SPP2: variants seen among roughly 807,000 people sequenced by gnomAD.
SPP2 encodes secreted phosphoprotein 2.
SPP2 carries 34 observed loss-of-function variants against 28.8 expected under a neutral mutation model. The observed-to-expected ratio is 1.18, with a 90% CI of 0.90 to 1.57. SPP2 has a LOEUF of 1.57. Ranked by LOEUF, SPP2 falls within the 40% of genes most tolerant of loss-of-function variation. SPP2 has a pLI of 0.00. For synonymous variants in SPP2, 96 were observed against 89.4 expected, an observed-to-expected ratio of 1.07 and a Z score of -0.42; for missense variants, 269 against 263.9, an observed-to-expected ratio of 1.02 and a Z score of -0.13.
intron 4 of SPP2, among the ~76,000 whole-genome samples, chr2:234,062,234 T>G (rs1253643376): frequency 1.3e-5 from 2 of 152,110 alleles, no homozygotes; most frequent in Non-Finnish European, 1.5e-5. Context: ...GGAATGCATG[T>G]CACCTGGGGA....
chr2:234,055,262 G>A (rs1467407036), intron 2 of SPP2, among the ~76,000 whole-genome samples: 1 of 152,246 alleles, frequency 6.6e-6, no homozygotes, highest in Non-Finnish European at 1.5e-5. Flanking sequence ...GCAGGCTGGA[G>A]ATTCAGGGAT....
At chr2:234,058,677 C>T (rs17865707) in intron 2 of SPP2, among the ~76,000 whole-genome samples, 159 bp from the exon 3 acceptor site, 16,907 of 152,114 alleles carry the variant, frequency 0.11, 1,977 homozygotes, top group African/African-American at 0.29. Context: ...CTCTGGTCTG[C>T]AGAAGAAAGG....
At chr2:234,066,478 T>C (rs1693823332) in intron 4 of SPP2, 55 bp from the exon 5 acceptor site, 1 of 1,456,044 alleles carries the variant, frequency 6.9e-7, no homozygotes, top group South Asian at 1.2e-5. Flanking sequence ...TTTCAGTGTC[T>C]TTCCTTTTTC....
chr2:234,058,020 G>A, intron 2 of SPP2, among the ~76,000 whole-genome samples: 1 of 152,184 alleles, frequency 6.6e-6, no homozygotes. Context: ...TGGTTCCTGT[G>A]AGCCTTGGGT....
chr2:234,058,953 T>TGGAGGC lies in SPP2; in HGVS notation c.328_329insGGAGGC (p.Tyr110delinsTrpArgHis). On this transcript the variant is annotated protein_altering_variant, in exon 3 of 8. Transcript: ENST00000168148. Reference sequence around the variant, plus strand: ...TACATGTGCCTTCCAGAGGGACTACTATGTGGTAAGTGGGAGGAGACCCAT... The same window carrying TGGAGGC: ...TACATGTGCCTTCCAGAGGGACTACTGGAGGCATGTGGTAAGTGGGAGGAGACCCAT... The TGGAGGC allele has an allele frequency of 6.2e-7, 1 of 1,613,232 alleles. No individual in the cohort carries two copies. The highest frequency in any genetic ancestry group is 8.5e-7 in the Non-Finnish European group (1 of 1,179,642).
At chr2:234,074,044 C>T (rs1315568217) in intron 7 of SPP2, among the ~76,000 whole-genome samples, 5 of 152,130 alleles carry the variant, frequency 3.3e-5, no homozygotes, top group African/African-American at 1.2e-4. Flanking sequence ...AAGTTTTATT[C>T]TCTCTGTTTC....
chr2:234,053,328 A>G lies in SPP2; in HGVS notation c.210+2233A>G, dbSNP rs374899779. ...TCAATTGCATAGTTTCACTTCTAAG[A>G]ATATGTTCAAAGCAAATAAGTGGTT... On this transcript the variant is annotated intron_variant, in intron 2 of 7. Coordinates refer to ENST00000168148, the MANE Select transcript of SPP2 (RefSeq NM_006944.3). 6.6e-5 allele frequency among the ~76,000 whole-genome samples: 10 copies of G among 152,236 alleles called. No individual in the cohort carries two copies. In the East Asian group the frequency reaches 1.7e-3, roughly 26 times the overall value.
Position 234,050,994 on chromosome 2 carries a change from C to A in SPP2, c.109C>A (p.Pro37Thr). 6.2e-7 allele frequency: 1 copy of A among 1,614,030 alleles called. No homozygotes were observed. Among genetic ancestry groups the A allele is most frequent in the Non-Finnish European group, 8.5e-7 (1 of 1,179,944 alleles). The change falls in exon 2 of 8, where the codon CCA becomes ACA. Residue 37 changes from proline to threonine, a missense_variant. Coordinates refer to ENST00000168148, the MANE Select transcript of SPP2 (RefSeq NM_006944.3). ...AGGTTTCCCAGTGTACGACTACGAT[C>A]CATCCTCCTTAAGGGATGCCCTCAG... is the stretch of plus-strand genomic sequence containing the variant. ...CSGFPVYDYD[P>T]SSLRDALSAS...
rs1553538125 is a variant in SPP2 at position 234,051,017 on chromosome 2, C to G, written c.132C>G (p.Leu44=). The stretch of plus-strand genomic sequence containing the variant: ...ATCCATCCTCCTTAAGGGATGCCCT[C>G]AGTGCCTCTGTGGTAAAAGTGAATT... ...DYDPSSLRDA[L]SASVVKVNSQ... The change falls in exon 2 of 8, where the codon CTC becomes CTG. Residue 44 remains leucine (L), a synonymous_variant. Transcript: ENST00000168148. 2 of 1,614,058 alleles carry G rather than the reference C, an allele frequency of 1.2e-6. No individual in the cohort carries two copies. The highest frequency in any genetic ancestry group is 3.3e-5 in the Admixed American group (2 of 59,992).
intron 7 of SPP2, among the ~76,000 whole-genome samples, chr2:234,074,352 G>A (rs866198741): frequency 2.5e-4 from 38 of 152,188 alleles, no homozygotes; most frequent in Middle Eastern, 6.8e-3. Flanking sequence ...CTATGTGGAA[G>A]GACCGGTCCC....
In SPP2 at chr2:234,071,384, G is replaced by T. The variant is rs527663872; in HGVS notation, c.*10+1361G>T. 9.9e-5 allele frequency among the ~76,000 whole-genome samples: 15 copies of T among 152,252 alleles called. No individual in the cohort carries two copies. The South Asian group carries it at 1.2e-3, about 13-fold the overall frequency. Reference sequence around the variant, plus strand: ...GGCCAAGAGGAGGAACAGCCTATCTGCCCCAGTTCTATAGAAAGCTAGAGA... The same window carrying T: ...GGCCAAGAGGAGGAACAGCCTATCTTCCCCAGTTCTATAGAAAGCTAGAGA... On this transcript the variant is annotated intron_variant, in intron 7 of 7. Coordinates refer to ENST00000168148, the MANE Select transcript of SPP2 (RefSeq NM_006944.3).
At chr2:234,074,357 G>A (rs250973) in intron 7 of SPP2, among the ~76,000 whole-genome samples, 51,439 of 151,840 alleles carry the variant, frequency 0.34, 9,251 homozygotes, top group Non-Finnish European at 0.4. Flanking sequence ...TGGAAGGACC[G>A]GTCCCTAAAA....
At chr2:234,075,793 T>G (rs11563006) in intron 7 of SPP2, among the ~76,000 whole-genome samples, 38,677 of 151,942 alleles carry the variant, frequency 0.25, 5,187 homozygotes, top group South Asian at 0.41. Flanking sequence ...GACACCTCCG[T>G]CTGGGTATTC....
chr2:234,059,083 G>A, intron 3 of SPP2, 125 bp downstream of exon 3: 1 of 1,158,582 alleles, frequency 8.6e-7, no homozygotes, highest in Middle Eastern at 2.2e-4. Context: ...GCTAACATGT[G>A]GACATTGTGT....
At chr2:234,072,011 A>G (rs1574837046) in intron 7 of SPP2, among the ~76,000 whole-genome samples, 2 of 152,238 alleles carry the variant, frequency 1.3e-5, no homozygotes, top group African/African-American at 4.8e-5. Context: ...AGGAGGTCTC[A>G]AGGAACTTCA....
chr2:234,058,757 TGGGG>T, intron 2 of SPP2, 75 bp from the exon 3 acceptor site: 1 of 1,462,958 alleles, frequency 6.8e-7, no homozygotes, highest in Admixed American at 2.1e-5. Context: ...TTTTTTCTTA[TGGGG>T]TAGAGACAAT....
At position 234,075,343 on chromosome 2, in the gene SPP2, A is replaced by G. The variant is rs530589754; in HGVS notation, c.*11-1502A>G. Among the ~76,000 whole-genome samples, 3 of 152,076 alleles carry G rather than the reference A, an allele frequency of 2.0e-5. No homozygotes were observed. In the East Asian group the frequency reaches 5.8e-4, roughly 29 times the overall value. On this transcript the variant is annotated intron_variant, in intron 7 of 7. Transcript: ENST00000168148. The stretch of plus-strand genomic sequence containing the variant: ...CATTACTCTCCGTTGATCTCTTCTC[A>G]TCCTGTCTTTTTAAAAACACCATCT...
At chr2:234,073,705 T>C (rs890903064) in intron 7 of SPP2, among the ~76,000 whole-genome samples, 6 of 152,196 alleles carry the variant, frequency 3.9e-5, no homozygotes, top group African/African-American at 1.4e-4. Flanking sequence ...TTCAATTATG[T>C]AGTGGCCAGA....
At position 234,058,727 on chromosome 2, in the gene SPP2, A is replaced by T. The variant is rs11563123; in HGVS notation, c.211-109A>T. The T allele has an allele frequency of 1.4e-3, 1,802 of 1,274,794 alleles. 23 individuals carry two copies. The African/African-American group carries it at 0.024, about 17-fold the overall frequency. 79.0% of individuals were successfully genotyped at this position (1,274,794 alleles called of 1,614,324 possible). A position where few individuals can be genotyped will look rare whatever the true frequency, so the allele number is the denominator to read the frequency against. On this transcript the variant is annotated intron_variant, in intron 2 of 7. Transcript: ENST00000168148. Reference sequence around the variant, plus strand: ...ATTGCTAAGATAATTTATTGCTTTCATGGTGGACAATTCTGTAATTTTTTT... The same window carrying T: ...ATTGCTAAGATAATTTATTGCTTTCTTGGTGGACAATTCTGTAATTTTTTT...
Sources: gnomAD v4.1 joint callset for allele counts (sites outside exome capture counted in the v4.1 genomes callset) on GRCh38, gnomAD v4.1.1 for gene constraint, MANE v1.5 for transcripts, NCBI Gene and HGNC (gene_info 2026-07-23, HGNC 2026-07-21) for gene names.